MICU2: variants seen among roughly 807,000 people sequenced by gnomAD.
MICU2 encodes calcium uptake protein 2, mitochondrial.
A neutral mutation model predicts 60.4 loss-of-function variants in MICU2; 64 were observed. The observed-to-expected ratio is 1.06, with a 90% confidence interval of 0.87 to 1.31. The LOEUF is 1.31. Ranked by LOEUF, MICU2 falls within the 50% of genes most tolerant of loss-of-function variation. The pLI is 0.00. For synonymous variants in MICU2, 201 were observed against 175.0 expected, an observed-to-expected ratio of 1.15 and a Z score of -1.17; for missense variants, 569 against 531.0, an observed-to-expected ratio of 1.07 and a Z score of -0.70.
chr13:21,567,870 G>A (rs1888021442), intron 1 of MICU2, among the ~76,000 whole-genome samples: 1 of 152,256 alleles, frequency 6.6e-6, no homozygotes, highest in Middle Eastern at 3.4e-3. Flanking sequence ...GACTCAAAGG[G>A]TTTTAATCTC....
At chr13:21,558,459 T>C in intron 2 of MICU2, among the ~76,000 whole-genome samples, 1 of 152,228 alleles carries the variant, frequency 6.6e-6, no homozygotes. Flanking sequence ...TAGCCTGTTA[T>C]TTTAATTGAA....
At chr13:21,589,717 C>T (rs1888536497) in intron 1 of MICU2, among the ~76,000 whole-genome samples, 1 of 152,148 alleles carries the variant, frequency 6.6e-6, no homozygotes, top group Non-Finnish European at 1.5e-5. Flanking sequence ...TTACCTATTC[C>T]ACCCTGACTT....
intron 6 of MICU2, among the ~76,000 whole-genome samples, chr13:21,515,827 T>C (rs150067404): frequency 6.6e-6 from 1 of 152,244 alleles, no homozygotes; most frequent in Non-Finnish European, 1.5e-5. Flanking sequence ...TTTCCCCTAC[T>C]TAATTATTTT....
intron 2 of MICU2, among the ~76,000 whole-genome samples, chr13:21,557,787 C>T (rs530364597): frequency 1.3e-5 from 2 of 152,256 alleles, no homozygotes; most frequent in South Asian, 4.1e-4. Flanking sequence ...ATTTGGCCTG[C>T]AAAATTACTG....
chr13:21,510,139 A>G (rs754467198), intron 7 of MICU2, 38 bp from the exon 8 acceptor site: 16 of 1,076,548 alleles, frequency 1.5e-5, no homozygotes, highest in Admixed American at 6.3e-5. Context: ...ATAATTATAA[A>G]TAAGAATAAA....
At chr13:21,589,586 TTTAAAC>T (rs1211341391) in intron 1 of MICU2, among the ~76,000 whole-genome samples, 1 of 152,204 alleles carries the variant, frequency 6.6e-6, no homozygotes, top group African/African-American at 2.4e-5. Context: ...GCCTTCTACT[TTTAAAC>T]TTAACTTCCT....
At chr13:21,539,542 C>T in intron 3 of MICU2, 115 bp downstream of exon 3, 4 of 1,404,654 alleles carry the variant, frequency 2.8e-6, no homozygotes, top group Admixed American at 3.6e-5. Flanking sequence ...TCGTGATCCG[C>T]CCACCTTGGC....
intron 6 of MICU2, among the ~76,000 whole-genome samples, chr13:21,517,808 C>T (rs1239189920): frequency 1.3e-5 from 2 of 151,416 alleles, no homozygotes; most frequent in African/African-American, 4.9e-5. Flanking sequence ...CACGCGCGCG[C>T]GCGCGCACAC....
intron 10 of MICU2, 43 bp downstream of exon 10, chr13:21,496,007 CTG>C (rs778787443): frequency 1.0e-5 from 14 of 1,371,708 alleles, no homozygotes; most frequent in Non-Finnish European, 1.4e-5. Context: ...TATAGTAAAA[CTG>C]TTTATAGATG....
chr13:21,537,943 C>T (rs565244506), intron 4 of MICU2, among the ~76,000 whole-genome samples: 2 of 152,302 alleles, frequency 1.3e-5, no homozygotes, highest in African/African-American at 4.8e-5. Context: ...CCTTCCACTC[C>T]TGTTCTGAAG....
intron 2 of MICU2, among the ~76,000 whole-genome samples, chr13:21,556,814 A>G (rs183260239): frequency 1.5e-3 from 225 of 152,322 alleles, no homozygotes; most frequent in African/African-American, 5.2e-3. Flanking sequence ...AAAGTCTGAA[A>G]AAAGCAGCAA....
At chr13:21,531,258 T>G in intron 4 of MICU2, 2 of 1,394,880 alleles carry the variant, frequency 1.4e-6, no homozygotes, top group East Asian at 2.3e-5. Flanking sequence ...ATATTGGAGA[T>G]AGATTGGAAG....
intron 9 of MICU2, among the ~76,000 whole-genome samples, chr13:21,501,873 A>G (rs1156539388): frequency 6.6e-6 from 1 of 152,202 alleles, no homozygotes; most frequent in East Asian, 1.9e-4. Context: ...AGACCTCTGA[A>G]TGGGTCTAGA....
In MICU2 at chr13:21,602,466, A is replaced by G. The variant is rs144284753; in HGVS notation, c.210+1473T>C. On this transcript the variant is annotated intron_variant, in intron 1 of 11. Coordinates refer to ENST00000382374, the MANE Select transcript of MICU2 (RefSeq NM_152726.3). ...GAACCCGGGAGGCGGAGCTTGCAGT[A>G]AGCCGAGATAGCGCCACTGCAGTCC... Among the ~76,000 whole-genome samples the G allele has an allele frequency of 8.4e-3, 1,280 of 152,166 alleles. 22 individuals carry two copies. The East Asian group carries it at 0.087, about 10-fold the overall frequency.
intron 4 of MICU2, among the ~76,000 whole-genome samples, chr13:21,536,076 G>A (rs1360135864): frequency 2.6e-5 from 4 of 152,150 alleles, no homozygotes; most frequent in Non-Finnish European, 5.9e-5. Flanking sequence ...CTATAGGGAT[G>A]TTCTGGTGCT....
At chr13:21,502,423 C>T (rs1485253937) in intron 9 of MICU2, among the ~76,000 whole-genome samples, 1 of 152,128 alleles carries the variant, frequency 6.6e-6, no homozygotes, top group East Asian at 1.9e-4. Flanking sequence ...TATACACACA[C>T]ATATGCATGT....
At chr13:21,539,020 C>T (rs958445412) in intron 4 of MICU2, among the ~76,000 whole-genome samples, 1 of 144,498 alleles carries the variant, frequency 6.9e-6, no homozygotes, top group Non-Finnish European at 1.5e-5. Flanking sequence ...GCCATGACCT[C>T]TTTCCGTCCA....
chr13:21,591,378 T>C (rs2138069573), intron 1 of MICU2, among the ~76,000 whole-genome samples: 1 of 152,290 alleles, frequency 6.6e-6, no homozygotes, highest in African/African-American at 2.4e-5. Flanking sequence ...AAACAAGTTG[T>C]TAGAGACCTA....
intron 9 of MICU2, among the ~76,000 whole-genome samples, chr13:21,498,864 C>T (rs552822702): frequency 9.2e-5 from 14 of 151,826 alleles, no homozygotes; most frequent in Middle Eastern, 3.4e-3. Context: ...ATAAGAGTGG[C>T]TGCTTCTATC....
Sources: allele counts gnomAD v4.1 joint callset (sites outside exome capture counted in the v4.1 genomes callset), GRCh38; gene constraint gnomAD v4.1.1; transcripts MANE v1.5; gene names NCBI Gene and HGNC (gene_info 2026-07-23, HGNC 2026-07-21).